Variants in DCAF10 observed in about 807,000 individuals in gnomAD.
DCAF10 encodes DDB1 and CUL4 associated factor 10.
DCAF10 carries 19 observed loss-of-function variants against 51.9 expected under a neutral mutation model. That is an observed-to-expected ratio of 0.37 (90% CI 0.26 to 0.54). DCAF10 has a LOEUF of 0.54. DCAF10 is among the 20% of genes least tolerant of loss of function. DCAF10 has a pLI of 0.87. For synonymous variants in DCAF10, 291 were observed against 297.1 expected, an observed-to-expected ratio of 0.98 and a Z score of 0.21; for missense variants, 510 against 730.6, an observed-to-expected ratio of 0.70 and a Z score of 3.48.
chr9:37,858,397 G>C (rs1346714650), intron 5 of DCAF10: 1 of 152,136 alleles, frequency 6.6e-6, no homozygotes, highest in African/African-American at 2.4e-5. Flanking sequence ...TGTGCTATGG[G>C]AAACAAGTCA....
Position 37,854,988 on chromosome 9 carries a change from C to A in DCAF10, c.1054+6C>A, listed in dbSNP as rs1257549743. On this transcript the variant is annotated splice_donor_region_variant and intron_variant, in intron 4 of 6. Coordinates refer to ENST00000377724, the MANE Select transcript of DCAF10 (RefSeq NM_024345.5). ...AAGAACTACTTCAAGTTCAGGTAAG[C>A]TTTTCTTTTTTGGTCAAAAAGATTT... The A allele has an allele frequency of 6.3e-7, 1 of 1,589,598 alleles. No homozygotes were observed. Among genetic ancestry groups the A allele is most frequent in the South Asian group, 1.2e-5 (1 of 86,410 alleles).
At position 37,801,182 on chromosome 9, in the gene DCAF10, A is replaced by G; in HGVS notation, c.316A>G (p.Ser106Gly). Residue 106 changes from serine to glycine, a missense_variant, in exon 1 of 7, where the codon AGC becomes GGC. By Grantham distance (56) the Ser-to-Gly change is moderately conservative (BLOSUM62 0). Around this residue, in one of 4 missense-constraint regions of DCAF10, gnomAD observed 251 missense variants for 227.9 expected, o/e 1.10. Transcript: ENST00000377724. The surrounding 1 kb of genome is among the most constrained non-coding windows in gnomAD (Gnocchi z 5.5). ...GCCCGGGCCAGACTGCAGGGCCAAG[A>G]GCCGGGGCCGACACGGCCTCGGCGC... ...RRPGPDCRAK[S>G]RGRHGLGAGL... 1 of 1,542,286 alleles carries G rather than the reference A, an allele frequency of 6.5e-7. No homozygotes were observed. Among genetic ancestry groups the G allele is most frequent in the Non-Finnish European group, 8.7e-7 (1 of 1,146,060 alleles).
Position 37,862,004 on chromosome 9 carries a change from T to G in DCAF10, c.*496T>G, listed in dbSNP as rs530241415. On this transcript the variant is annotated 3_prime_UTR_variant, in exon 7 of 7. Transcript: ENST00000377724. Reference sequence around the variant, plus strand: ...GAAAAATAAATTTCATCCTCACTTATGAGTATACTTGGCCTTTTAAAGTTA... The same window carrying G: ...GAAAAATAAATTTCATCCTCACTTAGGAGTATACTTGGCCTTTTAAAGTTA... 5.7e-5 allele frequency: 9 copies of G among 157,058 alleles called. No homozygotes were observed. In the East Asian group the frequency reaches 1.3e-3, roughly 23 times the overall value. 9.7% of individuals were successfully genotyped at this position (157,058 alleles called of 1,614,324 possible).
intron 5 of DCAF10, among the ~76,000 whole-genome samples, chr9:37,859,378 A>T (rs1830946403): frequency 6.6e-6 from 1 of 152,208 alleles, no homozygotes; most frequent in African/African-American, 2.4e-5. Flanking sequence ...GATATAACAT[A>T]TTCCTATTAT....
At chr9:37,818,015 CAG>C (rs377184399) in intron 1 of DCAF10, among the ~76,000 whole-genome samples, 45 of 150,994 alleles carry the variant, frequency 3.0e-4, no homozygotes, top group African/African-American at 1.0e-3. Flanking sequence ...TTTTTTGAGA[CAG>C]AGTCTTACTC....
chr9:37,850,955 T>C (rs1194623020), intron 3 of DCAF10, among the ~76,000 whole-genome samples: 1 of 148,776 alleles, frequency 6.7e-6, no homozygotes, highest in East Asian at 2.1e-4. Flanking sequence ...AAAAACTCAT[T>C]TTTTTAGGCC....
In DCAF10 at chr9:37,800,815, A is replaced by G; in HGVS notation, c.-52A>G. 2 of 1,495,642 alleles carry G rather than the reference A, an allele frequency of 1.3e-6. No homozygotes were observed. The highest frequency in any genetic ancestry group is 1.3e-5 in the South Asian group (1 of 77,062). 92.6% of individuals were successfully genotyped at this position (1,495,642 alleles called of 1,614,324 possible). A position where few individuals can be genotyped will look rare whatever the true frequency, so the allele number is the denominator to read the frequency against. Reference sequence around the variant, plus strand: ...AAGTGGCAGCTGAACAGGGGCACTGAGGTGTCGGCCGGCGGGGCAGTGGCC... The same window carrying G: ...AAGTGGCAGCTGAACAGGGGCACTGGGGTGTCGGCCGGCGGGGCAGTGGCC... On this transcript the variant is annotated 5_prime_UTR_variant, in exon 1 of 7. Coordinates refer to ENST00000377724, the MANE Select transcript of DCAF10 (RefSeq NM_024345.5).
rs1054140957 is a variant in DCAF10 at position 37,863,429 on chromosome 9, G to A, written c.*1921G>A. Reference sequence around the variant, plus strand: ...TAAAAAATAATAATAGTAAATGAAAGCAATTTTAGAGGTGGAAAATACCTT... The same window carrying A: ...TAAAAAATAATAATAGTAAATGAAAACAATTTTAGAGGTGGAAAATACCTT... On this transcript the variant is annotated 3_prime_UTR_variant, in exon 7 of 7. Coordinates refer to ENST00000377724, the MANE Select transcript of DCAF10 (RefSeq NM_024345.5). 2.0e-5 allele frequency: 3 copies of A among 150,732 alleles called. No homozygotes were observed. The highest frequency in any genetic ancestry group is 4.9e-5 in the African/African-American group (2 of 40,918). 9.3% of individuals were successfully genotyped at this position (150,732 alleles called of 1,614,324 possible).
In DCAF10 at chr9:37,862,224, T is replaced by A. The variant is rs1396607687; in HGVS notation, c.*716T>A. Reference sequence around the variant, plus strand: ...TGTAATTTACTTTACTTGTATGAATTTAACATCTCTAGCATGTATCCTTAC... The same window carrying A: ...TGTAATTTACTTTACTTGTATGAATATAACATCTCTAGCATGTATCCTTAC... On this transcript the variant is annotated 3_prime_UTR_variant, in exon 7 of 7. Coordinates refer to ENST00000377724, the MANE Select transcript of DCAF10 (RefSeq NM_024345.5). 6.6e-6 allele frequency: 1 copy of A among 152,648 alleles called. No homozygotes were observed. The highest frequency in any genetic ancestry group is 1.5e-5 in the Non-Finnish European group (1 of 68,030). 9.5% of individuals were successfully genotyped at this position (152,648 alleles called of 1,614,324 possible).
rs532151330 is a variant in DCAF10 at position 37,860,274 on chromosome 9, G to A, written c.1311+81G>A. On this transcript the variant is annotated intron_variant, in intron 6 of 6. Transcript: ENST00000377724. ...CGTGTGTGCAGAGCTTAGGCCGATC[G>A]CTGACTGCAGTCTCTGCCTTCAAGG... 18 of 1,550,180 alleles carry A rather than the reference G, an allele frequency of 1.2e-5. No individual in the cohort carries two copies. The East Asian group carries it at 2.5e-4, about 21-fold the overall frequency.
intron 2 of DCAF10, among the ~76,000 whole-genome samples, chr9:37,837,673 G>A (rs1242307237): frequency 6.6e-6 from 1 of 152,034 alleles, no homozygotes; most frequent in Non-Finnish European, 1.5e-5. Flanking sequence ...CCCCAGAGAA[G>A]TGCTTCATTT....
In DCAF10 at chr9:37,801,361, C is replaced by T; in HGVS notation, c.495C>T (p.Thr165=). The T allele has an allele frequency of 1.3e-6, 2 of 1,556,966 alleles. No individual in the cohort carries two copies. The highest frequency in any genetic ancestry group is 1.7e-6 in the Non-Finnish European group (2 of 1,154,436). The change falls in exon 1 of 7, where the codon ACC becomes ACT. Residue 165 remains threonine, a synonymous_variant. Coordinates refer to ENST00000377724, the MANE Select transcript of DCAF10 (RefSeq NM_024345.5). The surrounding 1 kb of genome is among the most constrained non-coding windows in gnomAD (Gnocchi z 5.5). ...CCGCGGACTCGGTGTACCTCAGCAC[C>T]CGCACCCACGGCGCCGTCTTCAACC... ...IHPADSVYLS[T]RTHGAVFNLE...
chr9:37,822,934 C>T (rs563394715), intron 2 of DCAF10, among the ~76,000 whole-genome samples: 1 of 152,034 alleles, frequency 6.6e-6, no homozygotes, highest in African/African-American at 2.4e-5. Flanking sequence ...CACCACTGCT[C>T]TCAGCCTAGG....
rs560264009 is a variant in DCAF10, at chr9:37,860,269, C to T, written c.1311+76C>T. On this transcript the variant is annotated intron_variant, in intron 6 of 6. Coordinates refer to ENST00000377724, the MANE Select transcript of DCAF10 (RefSeq NM_024345.5). ...ATTGCCGTGTGTGCAGAGCTTAGGC[C>T]GATCGCTGACTGCAGTCTCTGCCTT... The T allele has an allele frequency of 6.6e-5, 104 of 1,564,164 alleles. 1 individual carries two copies. Among genetic ancestry groups the T allele is most frequent in the South Asian group, 3.9e-4 (33 of 85,564 alleles).
intron 3 of DCAF10, among the ~76,000 whole-genome samples, chr9:37,851,369 C>T (rs919321186): frequency 5.9e-5 from 9 of 152,026 alleles, no homozygotes; most frequent in African/African-American, 2.2e-4. Flanking sequence ...TTCATAGAGA[C>T]AGTGTCTCAT....
Position 37,829,269 on chromosome 9 carries a change from G to A in DCAF10, c.653+9868G>A, listed in dbSNP as rs13440074. Reference sequence around the variant, plus strand: ...AGCCTGACCAACATGGAGAAACCCCGTCTCTACTAAAAATACAAAAATTAG... The same window carrying A: ...AGCCTGACCAACATGGAGAAACCCCATCTCTACTAAAAATACAAAAATTAG... On this transcript the variant is annotated intron_variant, in intron 2 of 6. Coordinates refer to ENST00000377724, the MANE Select transcript of DCAF10 (RefSeq NM_024345.5). The surrounding 1 kb of genome is among the most constrained non-coding windows in gnomAD (Gnocchi z 4.2). Among the ~76,000 whole-genome samples the A allele has an allele frequency of 0.044, 6,609 of 151,930 alleles. 488 individuals carry two copies. The highest frequency in any genetic ancestry group is 0.15 in the African/African-American group (6,251 of 41,396).
chr9:37,845,286 T>C (rs1830444215), intron 3 of DCAF10, among the ~76,000 whole-genome samples: 1 of 152,080 alleles, frequency 6.6e-6, no homozygotes, highest in Non-Finnish European at 1.5e-5. Flanking sequence ...GAAAATATAA[T>C]AGAGGATTTT....
intron 3 of DCAF10, among the ~76,000 whole-genome samples, chr9:37,854,097 AT>A (rs1030726610): frequency 5.0e-4 from 72 of 145,008 alleles, no homozygotes; most frequent in Middle Eastern, 3.6e-3. Flanking sequence ...TGAAGTTTCA[AT>A]TTTTTTTTTT....
intron 5 of DCAF10, among the ~76,000 whole-genome samples, chr9:37,858,704 C>G (rs920985080): frequency 6.6e-6 from 1 of 152,210 alleles, no homozygotes; most frequent in African/African-American, 2.4e-5. Flanking sequence ...CCTGGATCTT[C>G]AGATGTCAGA....
Sources: allele counts gnomAD v4.1 joint callset (sites outside exome capture counted in the v4.1 genomes callset), GRCh38; gene constraint gnomAD v4.1.1; regional missense constraint gnomAD v4.1.1; non-coding constraint Gnocchi (gnomAD v3.1); transcripts MANE v1.5; gene names NCBI Gene and HGNC (gene_info 2026-07-23, HGNC 2026-07-21).